Variants in HNRNPUL1 observed in about 807,000 individuals in gnomAD.
HNRNPUL1 encodes the protein heterogeneous nuclear ribonucleoprotein U-like protein 1.
In HNRNPUL1, 14 loss-of-function variants were observed where a neutral mutation model predicts 108.5. That is an observed-to-expected ratio of 0.13 (90% CI 0.09 to 0.20). HNRNPUL1 has a LOEUF of 0.20. Among genes scored for constraint, HNRNPUL1 ranks in the 10% least tolerant of loss-of-function variants. The pLI, the probability that HNRNPUL1 is intolerant of heterozygous loss-of-function variation, is 1.00. For missense variants in HNRNPUL1, 804 were observed against 1,168.3 expected (o/e 0.69, Z 4.55); for synonymous variants, 422 against 445.2 (o/e 0.95, Z 0.66).
Position 41,264,654 on chromosome 19 carries a change from G to A in HNRNPUL1, c.151G>A (p.Asp51Asn). The A allele has an allele frequency of 6.3e-7, 1 of 1,585,122 alleles. No individual in the cohort carries two copies. ...TGACGACGAGCGGGAGCTCGACGCC[G>A]ACGACGAACCGGGGCGACCCGGGCA... ...EPDDERELDA[D>N]DEPGRPGHIN... The change falls in exon 1 of 15, where the codon GAC becomes AAC. Residue 51 changes from aspartate to asparagine, a missense_variant. By Grantham distance (23) the Asp-to-Asn change is conservative. Coordinates refer to ENST00000392006, the MANE Select transcript of HNRNPUL1 (RefSeq NM_007040.6).
At chr19:41,285,807 C>G (rs528835752) in intron 7 of HNRNPUL1, among the ~76,000 whole-genome samples, 1 of 152,202 alleles carries the variant, frequency 6.6e-6, no homozygotes, top group African/African-American at 2.4e-5. Context: ...GACCCTTGAA[C>G]TTTGCAGGGA....
chr19:41,264,488 C>G lies in HNRNPUL1; in HGVS notation c.-16C>G. 14 of 1,351,376 alleles carry G rather than the reference C, an allele frequency of 1.0e-5. No individual in the cohort carries two copies. The highest frequency in any genetic ancestry group is 1.3e-5 in the Non-Finnish European group (14 of 1,050,524). 83.7% of individuals were successfully genotyped at this position (1,351,376 alleles called of 1,614,324 possible). A position where few individuals can be genotyped will look rare whatever the true frequency, so the allele number is the denominator to read the frequency against. Reference sequence around the variant, plus strand: ...AGGCCGGGCCGGGCTCGGGGGCCACCCCGGGGGCCCGGGCCATGGATGTGC... The same window carrying G: ...AGGCCGGGCCGGGCTCGGGGGCCACGCCGGGGGCCCGGGCCATGGATGTGC... On this transcript the variant is annotated 5_prime_UTR_variant, in exon 1 of 15. Transcript: ENST00000392006.
rs1224937130 is a variant in HNRNPUL1, at chr19:41,305,529, T to C, written c.2263-147T>C. The C allele has an allele frequency of 7.1e-6, 7 of 989,344 alleles. No individual in the cohort carries two copies. In the South Asian group the frequency reaches 9.0e-5, roughly 13 times the overall value. The allele number at this position is 989,344 out of a possible 1,614,324, so 61.3% of individuals were successfully genotyped here. A position where few individuals can be genotyped will look rare whatever the true frequency, so the allele number is the denominator to read the frequency against. On this transcript the variant is annotated intron_variant, in intron 13 of 14. Transcript: ENST00000392006. The stretch of plus-strand genomic sequence containing the variant: ...ATGGCATGGAGCTGGCTCTCCTCCT[T>C]CTCAGCCCACAAACAATGTCCACTA...
chr19:41,284,485 G>A (rs1475022831), intron 7 of HNRNPUL1, among the ~76,000 whole-genome samples: 1 of 151,822 alleles, frequency 6.6e-6, no homozygotes, highest in Non-Finnish European at 1.5e-5. Context: ...GGGCATCATG[G>A]TGAAAACAAA....
chr19:41,272,715 G>A (rs754674501), intron 3 of HNRNPUL1, among the ~76,000 whole-genome samples: 1 of 152,154 alleles, frequency 6.6e-6, no homozygotes, highest in Non-Finnish European at 1.5e-5. Flanking sequence ...TTCCAGTGTG[G>A]GGACTCAGAC....
chr19:41,300,084 C>T (rs1005451398), intron 10 of HNRNPUL1, among the ~76,000 whole-genome samples: 1 of 152,148 alleles, frequency 6.6e-6, no homozygotes. Flanking sequence ...CGCTTCCTGT[C>T]AAGGTGTCTT....
At chr19:41,265,307 T>C in intron 1 of HNRNPUL1, 1 of 1,294,328 alleles carries the variant, frequency 7.7e-7, no homozygotes, top group Non-Finnish European at 1.0e-6. Context: ...TCCTGGAATA[T>C]GCCGCTGGAT....
At chr19:41,266,572 G>C (rs971162847) in intron 1 of HNRNPUL1, among the ~76,000 whole-genome samples, 1 of 152,132 alleles carries the variant, frequency 6.6e-6, no homozygotes, top group Non-Finnish European at 1.5e-5. Flanking sequence ...TTACAGGCGT[G>C]AATCACTGCA....
intron 10 of HNRNPUL1, among the ~76,000 whole-genome samples, chr19:41,301,172 G>T (rs1371140308): frequency 6.6e-6 from 1 of 152,132 alleles, no homozygotes; most frequent in Non-Finnish European, 1.5e-5. Context: ...GAACACAGGG[G>T]TTTTTCCTCT....
chr19:41,266,281 A>G (rs1246322371), intron 1 of HNRNPUL1, among the ~76,000 whole-genome samples: 1 of 151,936 alleles, frequency 6.6e-6, no homozygotes. Flanking sequence ...AAAAATACAA[A>G]TATTAACCGG....
Position 41,276,268 on chromosome 19 carries a change from C to T in HNRNPUL1, c.756C>T (p.Val252=). ...LWSGARASYG[V]RRGRVCFEMK... ...CAGGAGCCCGTGCCAGCTATGGGGT[C>T]AGAAGGGGCCGTGTATGCTTCGAGA... Residue 252 remains valine (V), a synonymous_variant, in exon 5 of 15, where the codon GTC becomes GTT. Transcript: ENST00000392006. The T allele has an allele frequency of 6.2e-7, 1 of 1,611,768 alleles. No homozygotes were observed. Among genetic ancestry groups the T allele is most frequent in the Non-Finnish European group, 8.5e-7 (1 of 1,178,394 alleles).
At chr19:41,303,210 T>A (rs2037339520) in intron 12 of HNRNPUL1, among the ~76,000 whole-genome samples, 1 of 152,162 alleles carries the variant, frequency 6.6e-6, no homozygotes, top group Non-Finnish European at 1.5e-5. Context: ...TTTGTGAACC[T>A]TCCCCCATCT....
chr19:41,284,469 C>T (rs1395581279), intron 7 of HNRNPUL1, among the ~76,000 whole-genome samples: 2 of 150,550 alleles, frequency 1.3e-5, no homozygotes, highest in African/African-American at 4.9e-5. Context: ...AGTTCAAGAC[C>T]AGCTTGGGCA....
rs184108362 is a variant in HNRNPUL1, at chr19:41,286,023, A to T, written c.999+4748A>T. Among the ~76,000 whole-genome samples the T allele has an allele frequency of 8.2e-4, 125 of 152,280 alleles. 2 individuals carry two copies. The highest frequency in any genetic ancestry group is 3.4e-3 in the Middle Eastern group (1 of 294). ...GTCTTTACCAAAAATAGAAATAAAA[A>T]TTAGCTGGGCCTGGTGGCACACGCC... On this transcript the variant is annotated intron_variant, in intron 7 of 14. Coordinates refer to ENST00000392006, the MANE Select transcript of HNRNPUL1 (RefSeq NM_007040.6).
chr19:41,305,509 A>G (rs1266342860), intron 13 of HNRNPUL1, 167 bp from the exon 14 acceptor site: 6 of 807,176 alleles, frequency 7.4e-6, no homozygotes, highest in Non-Finnish European at 1.2e-5. Context: ...CTACCATGGC[A>G]TGGAGCTGGC....
At chr19:41,296,207 A>G (rs1320703543) in intron 10 of HNRNPUL1, among the ~76,000 whole-genome samples, 1 of 152,298 alleles carries the variant, frequency 6.6e-6, no homozygotes, top group South Asian at 2.1e-4. Flanking sequence ...GAATGATTAT[A>G]GTCTAGAGTG....
intron 1 of HNRNPUL1, chr19:41,265,133 G>A: frequency 7.0e-7 from 1 of 1,419,506 alleles, no homozygotes; most frequent in Non-Finnish European, 9.1e-7. Context: ...TTTTCCGTTT[G>A]GGTTGGGGAG....
At chr19:41,270,647 G>A (rs917575854) in intron 2 of HNRNPUL1, among the ~76,000 whole-genome samples, 6 of 145,226 alleles carry the variant, frequency 4.1e-5, no homozygotes, top group African/African-American at 1.6e-4. Context: ...CCAGGCTGGA[G>A]TACAATGGTG....
At position 41,304,171 on chromosome 19, in the gene HNRNPUL1, A is replaced by C. The variant is rs191648581; in HGVS notation, c.2172A>C (p.Pro724=). Residue 724 remains proline, a synonymous_variant, in exon 13 of 15, where the codon CCA becomes CCC. Coordinates refer to ENST00000392006, the MANE Select transcript of HNRNPUL1 (RefSeq NM_007040.6). ...PPSYSPARNP[P]GASTYNKNSN... is the part of the protein sequence containing the mutation. ...GCTACAGCCCTGCTCGGAACCCCCC[A>C]GGGGCCAGCACCTACAATAAGAACA... 1 of 1,614,126 alleles carries C rather than the reference A, an allele frequency of 6.2e-7. No homozygotes were observed. Among genetic ancestry groups the C allele is most frequent in the East Asian group, 2.2e-5 (1 of 44,874 alleles).
Sources: allele counts gnomAD v4.1 joint callset (sites outside exome capture counted in the v4.1 genomes callset), GRCh38; gene constraint gnomAD v4.1.1; transcripts MANE v1.5; gene names NCBI Gene and HGNC (gene_info 2026-07-23, HGNC 2026-07-21).